FAM118A: variants seen among roughly 807,000 people sequenced by gnomAD.
FAM118A encodes protein FAM118A.
FAM118A carries 25 observed loss-of-function variants against 38.2 expected under a neutral mutation model. The ratio of observed to expected loss-of-function variants is 0.65; its 90% confidence interval spans 0.48 to 0.91. The LOEUF (loss-of-function observed/expected upper bound fraction) is 0.91, where lower values mean the gene tolerates loss of function less well. Among genes scored for constraint, FAM118A ranks in the 40% least tolerant of loss-of-function variants. The probability of loss-of-function intolerance (pLI) is 0.00; values close to 1 mark genes in which losing one functional copy is unlikely to be tolerated. For missense variants in FAM118A, 425 were observed against 463.3 expected, an observed-to-expected ratio of 0.92 and a Z score of 0.76; for synonymous variants, 178 against 184.1, an observed-to-expected ratio of 0.97 and a Z score of 0.27.
At chr22:45,336,234 C>A in intron 7 of FAM118A, 94 bp from the exon 8 acceptor site, 2 of 915,864 alleles carry the variant, frequency 2.2e-6, no homozygotes, top group Non-Finnish European at 3.4e-6. Context: ...GCAGGGTCTG[C>A]TTGGCCAGTG....
At chr22:45,327,774 G>C in intron 3 of FAM118A, 68 bp from the exon 4 acceptor site, 2 of 1,512,982 alleles carry the variant, frequency 1.3e-6, no homozygotes, top group African/African-American at 1.4e-5. Context: ...CCAGAAAATG[G>C]CCTGCTTAGG....
rs2086451283 is a variant in FAM118A, at chr22:45,341,492, T to C, written c.*1087T>C. The C allele has an allele frequency of 6.6e-6, 1 of 152,240 alleles. No individual in the cohort carries two copies. Among genetic ancestry groups the C allele is most frequent in the African/African-American group, 2.4e-5 (1 of 41,454 alleles). The allele number at this position is 152,240 out of a possible 1,614,324, so 9.4% of individuals were successfully genotyped here. ...AATATCCAGTCTTTCTGTTATTGTCTCTTAAAATTCTCTTCCATGGCCCAC... is the reference window on the plus strand; with the variant it reads ...AATATCCAGTCTTTCTGTTATTGTCCCTTAAAATTCTCTTCCATGGCCCAC... On this transcript the variant is annotated 3_prime_UTR_variant, in exon 9 of 9. Transcript: ENST00000441876.
Position 45,335,395 on chromosome 22 carries a change from T to C in FAM118A, c.970+13T>C. Reference sequence around the variant, plus strand: ...ACCACATTATTGGGTAAAGCAGATCTTTCTTCTTGCCAGCCTGTTTTTTGC... The same window carrying C: ...ACCACATTATTGGGTAAAGCAGATCCTTCTTCTTGCCAGCCTGTTTTTTGC... On this transcript the variant is annotated intron_variant, in intron 7 of 8. Coordinates refer to ENST00000441876, the MANE Select transcript of FAM118A (RefSeq NM_017911.4). 6.2e-7 allele frequency: 1 copy of C among 1,614,174 alleles called. No individual in the cohort carries two copies. Among genetic ancestry groups the C allele is most frequent in the East Asian group, 2.2e-5 (1 of 44,892 alleles).
At chr22:45,336,585 C>T (rs1035141218) in intron 8 of FAM118A, among the ~76,000 whole-genome samples, 174 bp downstream of exon 8, 1 of 152,194 alleles carries the variant, frequency 6.6e-6, no homozygotes, top group African/African-American at 2.4e-5. Flanking sequence ...CCTGACCTCT[C>T]ACCCCAACCC....
intron 1 of FAM118A, among the ~76,000 whole-genome samples, chr22:45,317,911 C>G (rs111561441): frequency 3.9e-5 from 6 of 152,272 alleles, no homozygotes; most frequent in African/African-American, 1.4e-4. Flanking sequence ...ATCTCAGTGG[C>G]CAAAAAGTCA....
intron 5 of FAM118A, among the ~76,000 whole-genome samples, chr22:45,332,131 T>C (rs2085761826): frequency 6.6e-6 from 1 of 152,190 alleles, no homozygotes; most frequent in Non-Finnish European, 1.5e-5. Context: ...CTGGCCTTGC[T>C]GTTAGGGGTG....
At chr22:45,340,108 A>T (rs1459615373) in intron 8 of FAM118A, among the ~76,000 whole-genome samples, 1 of 152,224 alleles carries the variant, frequency 6.6e-6, no homozygotes, top group Admixed American at 6.5e-5. Context: ...CCCCATCCTC[A>T]GTCCACTAAG....
intron 1 of FAM118A, among the ~76,000 whole-genome samples, chr22:45,321,405 T>A (rs961794381): frequency 3.9e-5 from 6 of 152,212 alleles, no homozygotes; most frequent in African/African-American, 1.4e-4. Context: ...GGAAAATTTT[T>A]ATTTTTTATT....
At chr22:45,327,130 C>T (rs1391785433) in intron 3 of FAM118A, among the ~76,000 whole-genome samples, 2 of 151,782 alleles carry the variant, frequency 1.3e-5, no homozygotes, top group Admixed American at 1.3e-4. Flanking sequence ...GCCCTAGCTA[C>T]TTGGGAGGCT....
At chr22:45,336,481 G>A (rs930602652) in intron 8 of FAM118A, 70 bp downstream of exon 8, 27 of 1,256,652 alleles carry the variant, frequency 2.1e-5, no homozygotes, top group African/African-American at 3.0e-5. Flanking sequence ...TTCAGGGACC[G>A]TGCTGCGCTT....
rs1284132798 is a variant in FAM118A at position 45,325,894 on chromosome 22, A to G, written c.301-1948A>G. Among the ~76,000 whole-genome samples the G allele has an allele frequency of 2.0e-5, 3 of 152,114 alleles. No homozygotes were observed. In the East Asian group the frequency reaches 5.8e-4, roughly 29 times the overall value. On this transcript the variant is annotated intron_variant, in intron 3 of 8. Transcript: ENST00000441876. Reference sequence around the variant, plus strand: ...TCAGGGATGCATAGAGCCAGGTCTCAGGTCGGGGAGAAGGTGAGCATTCCC... The same window carrying G: ...TCAGGGATGCATAGAGCCAGGTCTCGGGTCGGGGAGAAGGTGAGCATTCCC...
chr22:45,334,828 G>T (rs147033203), intron 6 of FAM118A, among the ~76,000 whole-genome samples: 5 of 152,084 alleles, frequency 3.3e-5, no homozygotes, highest in Non-Finnish European at 1.5e-5. Context: ...CTCTGCCCCC[G>T]TCCGCCGCTT....
At chr22:45,323,062 T>TGTGTGTGC in intron 2 of FAM118A, 113 bp from the exon 3 acceptor site, 1 of 1,092,536 alleles carries the variant, frequency 9.2e-7, no homozygotes, top group South Asian at 1.4e-5. Context: ...TGTGTGTGTG[T>TGTGTGTGC]GTGTGTGTGT....
Position 45,340,983 on chromosome 22 carries a change from A to C in FAM118A, c.*578A>C, listed in dbSNP as rs1480049560. Reference sequence around the variant, plus strand: ...ATGCCCAGCTAATTTTTTTATTTTTAGTAGAGTTGGAGTTTCACCATGTTG... The same window carrying C: ...ATGCCCAGCTAATTTTTTTATTTTTCGTAGAGTTGGAGTTTCACCATGTTG... On this transcript the variant is annotated 3_prime_UTR_variant, in exon 9 of 9. Coordinates refer to ENST00000441876, the MANE Select transcript of FAM118A (RefSeq NM_017911.4). 2.0e-5 allele frequency: 3 copies of C among 152,358 alleles called. No homozygotes were observed. The highest frequency in any genetic ancestry group is 7.3e-5 in the African/African-American group (3 of 41,362). The allele number at this position is 152,358 out of a possible 1,614,324, so 9.4% of individuals were successfully genotyped here.
intron 3 of FAM118A, 26 bp from the exon 4 acceptor site, chr22:45,327,816 G>C (rs535615812): frequency 6.2e-7 from 1 of 1,612,160 alleles, no homozygotes; most frequent in East Asian, 2.2e-5. Context: ...TGATGTTTTG[G>C]TAACTGTCGT....
Position 45,327,995 on chromosome 22 carries a change from C to T in FAM118A, c.454C>T (p.Leu152=). 1.2e-6 allele frequency: 2 copies of T among 1,611,242 alleles called. No homozygotes were observed. The highest frequency in any genetic ancestry group is 1.7e-6 in the Non-Finnish European group (2 of 1,178,930). The change falls in exon 4 of 9, where the codon CTG becomes TTG. Residue 152 remains leucine, a synonymous_variant. Transcript: ENST00000441876. ...AMVLTTNYDN[L]LEAFGRRQNK... is the part of the protein sequence containing the mutation. ...GGTCCTGACCACCAACTATGACAAC[C>T]TGCTGGAGGCCTTTGGCCGGCGGCA... is the stretch of plus-strand genomic sequence containing the variant.
At chr22:45,336,607 C>T (rs1228855635) in intron 8 of FAM118A, among the ~76,000 whole-genome samples, 196 bp downstream of exon 8, 1 of 152,156 alleles carries the variant, frequency 6.6e-6, no homozygotes, top group Non-Finnish European at 1.5e-5. Context: ...ATTCCAACTG[C>T]CCAGAGCTAC....
chr22:45,320,794 C>G (rs1403713848), intron 1 of FAM118A, among the ~76,000 whole-genome samples: 1 of 152,180 alleles, frequency 6.6e-6, no homozygotes, highest in Non-Finnish European at 1.5e-5. Context: ...CTGACGTGTT[C>G]TGCTGACCAC....
chr22:45,320,752 T>G (rs765605345), intron 1 of FAM118A, among the ~76,000 whole-genome samples: 3 of 152,176 alleles, frequency 2.0e-5, no homozygotes, highest in African/African-American at 4.8e-5. Context: ...TCATTTTCAG[T>G]CAGTGCTGGT....
Sources: gnomAD v4.1 joint callset for allele counts (sites outside exome capture counted in the v4.1 genomes callset) on GRCh38, gnomAD v4.1.1 for gene constraint, MANE v1.5 for transcripts, NCBI Gene and HGNC (gene_info 2026-07-23, HGNC 2026-07-21) for gene names.